ATRN: variants seen among roughly 807,000 people sequenced by gnomAD.
ATRN encodes attractin.
A neutral mutation model predicts 178.7 loss-of-function variants in ATRN; 54 were observed. That is an observed-to-expected ratio of 0.30 (90% CI 0.24 to 0.38). ATRN has a LOEUF of 0.38. ATRN is among the 10% of genes least tolerant of loss of function. The probability of loss-of-function intolerance (pLI) is 1.00; values close to 1 mark genes in which losing one functional copy is unlikely to be tolerated. For synonymous variants in ATRN, 636 were observed against 663.0 expected, an observed-to-expected ratio of 0.96 and a Z score of 0.63; for missense variants, 1,443 against 1,815.1, an observed-to-expected ratio of 0.79 and a Z score of 3.73.
In ATRN at chr20:3,547,337, A is replaced by G; in HGVS notation, c.791A>G (p.Asn264Ser). Residue 264 changes from asparagine to serine, a missense_variant, in exon 5 of 29, where the codon AAT (asparagine) becomes AGT (serine). Transcript: ENST00000262919. ...GGCCGAGGAGAGTGTAAGATCAGTA[A>G]TAGCAGCGATACTGTTGAATGTGAA... ...CSGRGECKIS[N>S]SSDTVECECS... 6.2e-7 allele frequency: 1 copy of G among 1,614,174 alleles called. No individual in the cohort carries two copies. Among genetic ancestry groups the G allele is most frequent in the Non-Finnish European group, 8.5e-7 (1 of 1,180,006 alleles).
At chr20:3,541,815 C>CTT in intron 3 of ATRN, among the ~76,000 whole-genome samples, 1 of 152,284 alleles carries the variant, frequency 6.6e-6, no homozygotes, top group Middle Eastern at 3.4e-3. Flanking sequence ...TTCTAAATTT[C>CTT]TTTGTCTCAA....
Position 3,582,159 on chromosome 20 carries a change from G to A in ATRN, c.2569G>A (p.Val857Ile). The change falls in exon 16 of 29, where the codon GTC (valine) becomes ATC (isoleucine). Residue 857 changes from valine (V) to isoleucine (I), a missense_variant. Physicochemically the swap from Val to Ile is conservative, Grantham distance 29. Transcript: ENST00000262919. ...SMSKLTLTPW[V>I]GLRKINVSYW... ...GTCCAAGCTCACCTTAACCCCATGG[G>A]TCGGCCTTCGGAAGATCAATGTGTC... The A allele has an allele frequency of 6.2e-7, 1 of 1,614,138 alleles. No homozygotes were observed. Among genetic ancestry groups the A allele is most frequent in the Non-Finnish European group, 8.5e-7 (1 of 1,179,990 alleles).
Position 3,575,904 on chromosome 20 carries a change from A to C in ATRN, c.2170A>C (p.Asn724His), listed in dbSNP as rs2146247820. 1.2e-6 allele frequency: 2 copies of C among 1,614,140 alleles called. No homozygotes were observed. Among genetic ancestry groups the C allele is most frequent in the East Asian group, 2.2e-5 (1 of 44,880 alleles). ...CAACACCAATGACTGCCACTGGTGCAATGACCATTGTGTCCCCAGGAACCA... is the reference window on the plus strand; with the variant it reads ...CAACACCAATGACTGCCACTGGTGCCATGACCATTGTGTCCCCAGGAACCA... Reference protein sequence around the residue: ...TANTNDCHWCNDHCVPRNHSC... With the variant: ...TANTNDCHWCHDHCVPRNHSC... Residue 724 changes from asparagine (N) to histidine (H), a missense_variant, in exon 13 of 29, where the codon AAT becomes CAT. By Grantham distance (68) the Asn-to-His change is moderately conservative. Transcript: ENST00000262919.
intron 24 of ATRN, among the ~76,000 whole-genome samples, chr20:3,618,610 G>T (rs1422983310): frequency 1.3e-5 from 2 of 152,210 alleles, no homozygotes; most frequent in African/African-American, 4.8e-5. Context: ...GTATTGAGGT[G>T]GGAGGTTGGG....
chr20:3,646,213 C>T (rs1282849672), intron 28 of ATRN, among the ~76,000 whole-genome samples: 1 of 152,122 alleles, frequency 6.6e-6, no homozygotes, highest in Non-Finnish European at 1.5e-5. Context: ...CTGCCTGTAT[C>T]GTGGTATGGA....
chr20:3,569,274 C>T (rs1319773156), intron 11 of ATRN, among the ~76,000 whole-genome samples: 2 of 152,100 alleles, frequency 1.3e-5, no homozygotes, highest in Non-Finnish European at 2.9e-5. Context: ...CTTACATAAA[C>T]TTAGGCTACA....
intron 24 of ATRN, among the ~76,000 whole-genome samples, chr20:3,612,909 T>C (rs1188571839): frequency 2.0e-5 from 3 of 152,218 alleles, no homozygotes; most frequent in African/African-American, 7.2e-5. Context: ...GCTTTTGTGC[T>C]GGAGATGGCC....
At position 3,632,629 on chromosome 20, in the gene ATRN, C is replaced by G. The variant is rs1303892080; in HGVS notation, c.3864-1682C>G. The stretch of plus-strand genomic sequence containing the variant: ...GAAAGGCCCACACACTCTGACCATC[C>G]TGCTGTGGAGTGCCACTGGTACTCC... On this transcript the variant is annotated intron_variant, in intron 25 of 28. Coordinates refer to ENST00000262919, the MANE Select transcript of ATRN (RefSeq NM_139321.3). The surrounding 1 kb of genome is among the most constrained non-coding windows in gnomAD (Gnocchi z 4.2). 6.6e-6 allele frequency among the ~76,000 whole-genome samples: 1 copy of G among 152,226 alleles called. No individual in the cohort carries two copies. Among genetic ancestry groups the G allele is most frequent in the South Asian group, 2.1e-4 (1 of 4,836 alleles).
Position 3,646,915 on chromosome 20 carries a change from G to A in ATRN, c.*68G>A. 1.3e-6 allele frequency: 2 copies of A among 1,582,134 alleles called. No homozygotes were observed. The highest frequency in any genetic ancestry group is 1.8e-5 in the Admixed American group (1 of 56,510). On this transcript the variant is annotated 3_prime_UTR_variant, in exon 29 of 29. Coordinates refer to ENST00000262919, the MANE Select transcript of ATRN (RefSeq NM_139321.3). ...CACACCAGAGCCATCTGCAGGGAAG[G>A]GCGTGGCGGGGAAATGGCTGTGCGG... is the stretch of plus-strand genomic sequence containing the variant.
At chr20:3,577,511 CAG>C (rs2086228786) in intron 14 of ATRN, among the ~76,000 whole-genome samples, 1 of 152,132 alleles carries the variant, frequency 6.6e-6, no homozygotes, top group Non-Finnish European at 1.5e-5. Flanking sequence ...ATGATGAACT[CAG>C]GGCCTGAGAC....
chr20:3,484,586 A>G (rs2084665522), intron 1 of ATRN, among the ~76,000 whole-genome samples: 1 of 152,118 alleles, frequency 6.6e-6, no homozygotes, highest in East Asian at 1.9e-4. Flanking sequence ...ATCATTTAAA[A>G]CTTCAGACTT....
At position 3,603,323 on chromosome 20, in the gene ATRN, G is replaced by A. The variant is rs193165143; in HGVS notation, c.3644-782G>A. ...TGGCGCATTGCCAAGGAGGTGTAAA[G>A]GGGAAATGCAAAGGAATTGAAGTGG... On this transcript the variant is annotated intron_variant, in intron 23 of 28. Transcript: ENST00000262919. 2.3e-3 allele frequency among the ~76,000 whole-genome samples: 350 copies of A among 152,264 alleles called. 1 individual carries two copies. Among genetic ancestry groups the A allele is most frequent in the African/African-American group, 7.8e-3 (326 of 41,544 alleles).
chr20:3,564,445 A>G lies in ATRN; in HGVS notation c.1787-903A>G, dbSNP rs866658049. ...AGTTTGCAGAGACACAGAGGTGGAA[A>G]AGACCGGCACATATTTAAGGGCTCA... On this transcript the variant is annotated intron_variant, in intron 10 of 28. Transcript: ENST00000262919. Among the ~76,000 whole-genome samples the G allele has an allele frequency of 3.9e-5, 6 of 152,312 alleles. No homozygotes were observed. The South Asian group carries it at 1.0e-3, about 26-fold the overall frequency.
At chr20:3,544,901 T>G (rs951402991) in intron 3 of ATRN, among the ~76,000 whole-genome samples, 37 of 151,914 alleles carry the variant, frequency 2.4e-4, no homozygotes, top group Non-Finnish European at 1.3e-4. Flanking sequence ...AGTGAGGTCT[T>G]AAGAAGAACC....
chr20:3,499,061 C>T (rs62208138), intron 1 of ATRN, among the ~76,000 whole-genome samples: 141 of 85,082 alleles, frequency 1.7e-3, no homozygotes, highest in Non-Finnish European at 2.2e-3. Context: ...AGAGCCAAAT[C>T]ATGAGTGAAC....
intron 18 of ATRN, among the ~76,000 whole-genome samples, chr20:3,589,423 T>C (rs1351420770): frequency 1.3e-5 from 2 of 151,776 alleles, no homozygotes; most frequent in Non-Finnish European, 2.9e-5. Context: ...GGGCTCTAAA[T>C]ATTGTGAGGG....
chr20:3,595,688 C>T (rs938544972), intron 20 of ATRN, among the ~76,000 whole-genome samples: 3 of 152,194 alleles, frequency 2.0e-5, no homozygotes, highest in Admixed American at 6.5e-5. Flanking sequence ...CCTTCGAGAT[C>T]GCAGATGTAG....
At chr20:3,538,944 C>T (rs985404194) in intron 2 of ATRN, among the ~76,000 whole-genome samples, 2 of 152,170 alleles carry the variant, frequency 1.3e-5, no homozygotes, top group African/African-American at 4.8e-5. Context: ...CCGTCTGAAA[C>T]GTTTTTCCCA....
chr20:3,597,758 C>G, intron 21 of ATRN, 148 bp from the exon 22 acceptor site: 1 of 550,264 alleles, frequency 1.8e-6, no homozygotes, highest in East Asian at 2.9e-5. Flanking sequence ...TGCCCACAGA[C>G]TTGATTTTCT....
Sources: allele counts gnomAD v4.1 joint callset (sites outside exome capture counted in the v4.1 genomes callset), GRCh38; gene constraint gnomAD v4.1.1; non-coding constraint Gnocchi (gnomAD v3.1); transcripts MANE v1.5; gene names NCBI Gene and HGNC (gene_info 2026-07-23, HGNC 2026-07-21).